The following ASB11 variants were observed in gnomAD, a reference collection of about 807,000 sequenced individuals.
ASB11 encodes ankyrin repeat and SOCS box protein 11.
ASB11 carries 17 observed loss-of-function variants against 20.1 expected under a neutral mutation model. The observed-to-expected ratio is 0.85, with a 90% CI of 0.58 to 1.27. The LOEUF (loss-of-function observed/expected upper bound fraction) is 1.27. Among genes scored for constraint, ASB11 ranks in the 50% most tolerant of loss-of-function variants. The probability of loss-of-function intolerance (pLI) is 0.00; values close to 1 mark genes in which losing one functional copy is unlikely to be tolerated. For missense variants in ASB11, 259 were observed against 256.9 expected, an observed-to-expected ratio of 1.01 and a Z score of -0.06; for synonymous variants, 107 against 105.6, an observed-to-expected ratio of 1.01 and a Z score of -0.08.
Position 15,284,124 on chromosome X carries a change from T to C in ASB11, c.848-495A>G, listed in dbSNP as rs376596703. On this transcript the variant is annotated intron_variant, in intron 6 of 6. Transcript: ENST00000480796. ...AAAATTAGCCGGGTGTGGTGGCGGGTGCCTATAGTCCCAGCTACTCGGGAG... is the reference window on the plus strand; with the variant it reads ...AAAATTAGCCGGGTGTGGTGGCGGGCGCCTATAGTCCCAGCTACTCGGGAG... 6.3e-3 allele frequency among the ~76,000 whole-genome samples: 665 copies of C among 105,063 alleles called. 3 individuals are homozygous for C. The highest frequency in any genetic ancestry group is 0.018 in the South Asian group (43 of 2,328). 91.2% of individuals were successfully genotyped at this position (105,063 alleles called of 115,157 possible). A position where few individuals can be genotyped will look rare whatever the true frequency, so the allele number is the denominator to read the frequency against.
intron 4 of ASB11, among the ~76,000 whole-genome samples, chrX:15,290,740 A>AAAGT (rs955185011): frequency 8.9e-6 from 1 of 112,360 alleles, no homozygotes; most frequent in African/African-American, 3.2e-5. Context: ...AGATAACATA[A>AAAGT]AAGTAAGCTT....
intron 4 of ASB11, among the ~76,000 whole-genome samples, chrX:15,290,462 A>G (rs771594039): frequency 2.8e-4 from 31 of 112,615 alleles, no homozygotes; most frequent in Non-Finnish European, 5.8e-4. Context: ...ATGAGAAAGA[A>G]TAAAGAAGTC....
At chrX:15,308,852 C>T (rs913360447) in intron 1 of ASB11, among the ~76,000 whole-genome samples, 2 of 111,734 alleles carry the variant, frequency 1.8e-5, no homozygotes, top group Non-Finnish European at 3.8e-5. Flanking sequence ...TGGGCCATTC[C>T]GTGGCCTGTT....
In ASB11 at chrX:15,314,217, G is replaced by A. The variant is rs1056354435; in HGVS notation, c.181+1208C>T. 11 of 788,431 alleles carry A rather than the reference G, an allele frequency of 1.4e-5. No individual in the cohort carries two copies. In the African/African-American group the frequency reaches 2.1e-4, roughly 15 times the overall value. 65.0% of individuals were successfully genotyped at this position (788,431 alleles called of 1,213,427 possible). On this transcript the variant is annotated intron_variant, in intron 1 of 6. Transcript: ENST00000480796. ...GACCAGAAGAATGATTTATCTATGAGAACACCAAAACTATTATTGAAAATT... is the reference window on the plus strand; with the variant it reads ...GACCAGAAGAATGATTTATCTATGAAAACACCAAAACTATTATTGAAAATT...
At position 15,297,612 on chromosome X, in the gene ASB11, C is replaced by T. The variant is rs1920979800; in HGVS notation, c.331G>A (p.Val111Met). Residue 111 changes from valine (V) to methionine (M), a missense_variant, in exon 3 of 7, where the codon GTG (valine) becomes ATG (methionine). Physicochemically the swap from Val to Met is conservative, Grantham distance 21 (BLOSUM62 1). Coordinates refer to ENST00000480796, the MANE Select transcript of ASB11 (RefSeq NM_080873.3). ...TCCAATAAGGCTTTGGCACAGGCCA[C>T]GTGACCTCCAAGGCATGCCTCGTGG... ...SLHEACLGGH[V>M]ACAKALLENG... The T allele has an allele frequency of 5.0e-6, 6 of 1,205,244 alleles. No individual in the cohort carries two copies. The highest frequency in any genetic ancestry group is 3.0e-5 in the East Asian group (1 of 33,629).
chrX:15,310,111 C>G (rs1332069514), intron 1 of ASB11, among the ~76,000 whole-genome samples: 1 of 110,322 alleles, frequency 9.1e-6, no homozygotes, highest in Non-Finnish European at 1.9e-5. Flanking sequence ...CACACAGAAC[C>G]CTTTTCCAGA....
intron 5 of ASB11, among the ~76,000 whole-genome samples, chrX:15,288,681 C>T (rs1927451944): frequency 9.0e-6 from 1 of 110,571 alleles, no homozygotes; most frequent in Non-Finnish European, 1.9e-5. Context: ...GTCAGGAGTT[C>T]GAGACCAGCC....
At chrX:15,307,443 A>T (rs1180194335) in intron 1 of ASB11, among the ~76,000 whole-genome samples, 3 of 112,371 alleles carry the variant, frequency 2.7e-5, no homozygotes, top group Non-Finnish European at 5.6e-5. Flanking sequence ...CAGGCATTAG[A>T]TTCTCATAAA....
chrX:15,312,864 G>A (rs768533080), intron 1 of ASB11, among the ~76,000 whole-genome samples: 1 of 111,624 alleles, frequency 9.0e-6, no homozygotes, highest in East Asian at 2.8e-4. Context: ...GGATAATTTA[G>A]GAATTAGAGA....
chrX:15,283,391 G>T lies in ASB11; in HGVS notation c.*114C>A. The T allele has an allele frequency of 2.0e-6, 2 of 1,006,134 alleles. No individual in the cohort carries two copies. Among genetic ancestry groups the T allele is most frequent in the Non-Finnish European group, 2.8e-6 (2 of 722,845 alleles). 82.9% of individuals were successfully genotyped at this position (1,006,134 alleles called of 1,213,427 possible). Reference sequence around the variant, plus strand: ...AGCTCATGGGGGATTTACTTCGACTGAGCTCATTTAAAGATACTAGGAGTC... The same window carrying T: ...AGCTCATGGGGGATTTACTTCGACTTAGCTCATTTAAAGATACTAGGAGTC... On this transcript the variant is annotated 3_prime_UTR_variant, in exon 7 of 7. Coordinates refer to ENST00000480796, the MANE Select transcript of ASB11 (RefSeq NM_080873.3).
chrX:15,307,172 C>T (rs1274287959), intron 1 of ASB11, among the ~76,000 whole-genome samples: 1 of 112,669 alleles, frequency 8.9e-6, no homozygotes, highest in Non-Finnish European at 1.9e-5. Context: ...CTGTGGTGAT[C>T]CTCATTTTCT....
chrX:15,284,980 C>A (rs1927334019), intron 6 of ASB11, among the ~76,000 whole-genome samples: 1 of 111,267 alleles, frequency 9.0e-6, no homozygotes, highest in Non-Finnish European at 1.9e-5. Context: ...GAGGACCAAA[C>A]AATCGATCTT....
chrX:15,303,894 C>T (rs1921152172), intron 1 of ASB11, among the ~76,000 whole-genome samples: 1 of 112,432 alleles, frequency 8.9e-6, no homozygotes, highest in Admixed American at 9.5e-5. Flanking sequence ...GCCTTCCAGA[C>T]ATATTTTTCT....
intron 6 of ASB11, among the ~76,000 whole-genome samples, chrX:15,285,732 G>A (rs769937506): frequency 1.2e-3 from 138 of 110,543 alleles, no homozygotes; most frequent in Non-Finnish European, 2.1e-3. Context: ...GGCCAGGCGC[G>A]GTGGCTCACG....
At chrX:15,298,897 C>T (rs1224721237) in intron 2 of ASB11, among the ~76,000 whole-genome samples, 4 of 111,405 alleles carry the variant, frequency 3.6e-5, no homozygotes, top group African/African-American at 1.3e-4. Context: ...TCCTAGAGTC[C>T]GGGGCCAGCG....
intron 1 of ASB11, among the ~76,000 whole-genome samples, chrX:15,306,555 T>C (rs1291357105): frequency 2.7e-5 from 3 of 109,148 alleles, no homozygotes; most frequent in Non-Finnish European, 3.8e-5. Flanking sequence ...ATATAAAAAT[T>C]AGCCTGGCAC....
intron 1 of ASB11, among the ~76,000 whole-genome samples, chrX:15,312,362 A>T (rs1921454243): frequency 1.9e-5 from 2 of 105,298 alleles, no homozygotes; most frequent in African/African-American, 7.0e-5. Flanking sequence ...AGCCACAAAG[A>T]CATATAAAAT....
chrX:15,289,242 A>G (rs1236937503), intron 5 of ASB11, among the ~76,000 whole-genome samples: 2 of 112,641 alleles, frequency 1.8e-5, no homozygotes, highest in Non-Finnish European at 3.7e-5. Context: ...GCGTATGGAT[A>G]AGGAGGGCTG....
intron 1 of ASB11, among the ~76,000 whole-genome samples, chrX:15,309,594 G>T (rs1921354677): frequency 1.8e-5 from 2 of 110,823 alleles, no homozygotes; most frequent in African/African-American, 6.6e-5. Flanking sequence ...TGTCTTCCAT[G>T]AAACCAGTCC....
Sources: gnomAD v4.1 joint callset for allele counts (sites outside exome capture counted in the v4.1 genomes callset) on GRCh38, gnomAD v4.1.1 for gene constraint, MANE v1.5 for transcripts, NCBI Gene and HGNC (gene_info 2026-07-23, HGNC 2026-07-21) for gene names.